Variants in HSPA14 observed in about 807,000 individuals in gnomAD.
HSPA14 encodes the protein heat shock protein family A (Hsp70) member 14.
HSPA14 carries 37 observed loss-of-function variants against 65.5 expected under a neutral mutation model. The ratio of observed to expected loss-of-function variants is 0.56; its 90% CI spans 0.43 to 0.74. HSPA14 has a LOEUF of 0.74. Ranked by LOEUF, HSPA14 falls within the 30% of genes least tolerant of loss-of-function variation. The probability of loss-of-function intolerance (pLI) is 0.00; values close to 1 mark genes in which losing one functional copy is unlikely to be tolerated. For synonymous variants in HSPA14, 203 were observed against 214.2 expected, an observed-to-expected ratio of 0.95 and a Z score of 0.46; for missense variants, 564 against 607.6, an observed-to-expected ratio of 0.93 and a Z score of 0.75.
In HSPA14 at chr10:14,838,341, G is replaced by C; in HGVS notation, c.-62G>C. 1 of 1,510,708 alleles carries C rather than the reference G, an allele frequency of 6.6e-7. No homozygotes were observed. 93.6% of individuals were successfully genotyped at this position (1,510,708 alleles called of 1,614,324 possible). On this transcript the variant is annotated 5_prime_UTR_variant, in exon 1 of 14. Coordinates refer to ENST00000378372, the MANE Select transcript of HSPA14 (RefSeq NM_016299.4). The stretch of plus-strand genomic sequence containing the variant: ...GCGGTGCCTGATGGGGCCGTTGGGC[G>C]GCCGGTAGCTGTTGCTGTTGGGGGA...
Position 14,864,853 on chromosome 10 carries a change from C to T in HSPA14, c.994-2230C>T, listed in dbSNP as rs192674195. 1.7e-3 allele frequency among the ~76,000 whole-genome samples: 266 copies of T among 152,326 alleles called. 2 individuals are homozygous for T. The highest frequency in any genetic ancestry group is 3.5e-3 in the Admixed American group (53 of 15,306). On this transcript the variant is annotated intron_variant, in intron 10 of 13. Transcript: ENST00000378372. ...GGGTATATACCCAGTAATGGGATGGCTGGGTCAAATGGTATTTCTAGTTTA... is the reference window on the plus strand; with the variant it reads ...GGGTATATACCCAGTAATGGGATGGTTGGGTCAAATGGTATTTCTAGTTTA...
rs1834094360 is a variant in HSPA14 at position 14,849,814 on chromosome 10, A to G, written c.467+3A>G. On this transcript the variant is annotated splice_donor_region_variant and intron_variant, in intron 6 of 13. Transcript: ENST00000378372. ...GAAAAGCAAAAAAATGCTCTTGGGT[A>G]AGTATATGGGGTTTATCTTACTGGC... The G allele has an allele frequency of 6.3e-7, 1 of 1,583,864 alleles. No individual in the cohort carries two copies. Among genetic ancestry groups the G allele is most frequent in the African/African-American group, 1.3e-5 (1 of 74,188 alleles).
intron 3 of HSPA14, chr10:14,845,625 A>G (rs1006350485): frequency 1.2e-6 from 1 of 802,654 alleles, no homozygotes. Flanking sequence ...AAAAAGTCTC[A>G]CTGTTTTGCC....
At chr10:14,857,030 C>T (rs1425057673) in intron 10 of HSPA14, among the ~76,000 whole-genome samples, 2 of 151,912 alleles carry the variant, frequency 1.3e-5, no homozygotes, top group Non-Finnish European at 2.9e-5. Flanking sequence ...TTTTTAATAA[C>T]AGTTCTAATT....
In HSPA14 at chr10:14,842,458, C is replaced by T. The variant is rs1355189556; in HGVS notation, c.221+2301C>T. The stretch of plus-strand genomic sequence containing the variant: ...TGCAGCAGGAGGGCTTCCGCCGCAC[C>T]GAACGTCAGTGCCGCTCCAAGTTTA... On this transcript the variant is annotated intron_variant, in intron 3 of 13. Coordinates refer to ENST00000378372, the MANE Select transcript of HSPA14 (RefSeq NM_016299.4). The surrounding 1 kb of genome is among the most constrained non-coding windows in gnomAD (Gnocchi z 5.2). 2.5e-5 allele frequency: 38 copies of T among 1,536,016 alleles called. No homozygotes were observed. Among genetic ancestry groups the T allele is most frequent in the Non-Finnish European group, 3.1e-5 (35 of 1,146,924 alleles).
rs1055582133 is a variant in HSPA14, at chr10:14,844,523, C to G, written c.222-4086C>G. The G allele has an allele frequency of 4.1e-6, 4 of 987,066 alleles. No homozygotes were observed. In the African/African-American group the frequency reaches 7.0e-5, roughly 17 times the overall value. 61.1% of individuals were successfully genotyped at this position (987,066 alleles called of 1,614,324 possible). ...ACAACCTGTATTTGTACCTTAATCT[C>G]TTACATTTCCACTGCTGTGTATCTG... is the stretch of plus-strand genomic sequence containing the variant. On this transcript the variant is annotated intron_variant, in intron 3 of 13. Coordinates refer to ENST00000378372, the MANE Select transcript of HSPA14 (RefSeq NM_016299.4).
intron 3 of HSPA14, chr10:14,846,334 A>C (rs1834053103): frequency 1.0e-6 from 1 of 985,262 alleles, no homozygotes. Flanking sequence ...TAAGACAGGG[A>C]TTTCTTTGAG....
Position 14,848,816 on chromosome 10 carries a change from A to T in HSPA14, c.297A>T (p.Arg99=), listed in dbSNP as rs753850992. The part of the protein sequence containing the change: ...CLVIEKNGKL[R]YEIDTGEETK... ...TCATTGAAAAAAATGGGAAATTACG[A>T]TATGAAATAGATACTGGAGAAGAAA... The change falls in exon 5 of 14, where the codon CGA becomes CGT. Residue 99 remains arginine (R), a synonymous_variant. Transcript: ENST00000378372. The T allele has an allele frequency of 1.3e-6, 2 of 1,580,734 alleles. No homozygotes were observed. The highest frequency in any genetic ancestry group is 1.7e-6 in the Non-Finnish European group (2 of 1,156,750).
chr10:14,843,552 G>A lies in HSPA14; in HGVS notation c.221+3395G>A, dbSNP rs538222597. The A allele has an allele frequency of 1.3e-5, 20 of 1,550,670 alleles. No individual in the cohort carries two copies. In the South Asian group the frequency reaches 1.4e-4, roughly 11 times the overall value. ...CACCGCAGACTCCAGTCTCCTCTTC[G>A]AGAGCTGGTTTTGTTTCTGGTGGGG... On this transcript the variant is annotated intron_variant, in intron 3 of 13. Transcript: ENST00000378372.
chr10:14,866,159 A>G (rs547616905), intron 10 of HSPA14, among the ~76,000 whole-genome samples: 3 of 152,234 alleles, frequency 2.0e-5, no homozygotes, highest in Non-Finnish European at 4.4e-5. Context: ...ACCTGGGATC[A>G]TAAAATTTTA....
intron 10 of HSPA14, among the ~76,000 whole-genome samples, chr10:14,864,266 GTTGGTTTTTTTTTT>G (rs1363996413): frequency 1.4e-5 from 2 of 141,704 alleles, no homozygotes; most frequent in African/African-American, 5.3e-5. Context: ...ATTTTCCAAG[GTTGGTTTTTTTTTT>G]TTGGTTTTCT....
intron 10 of HSPA14, among the ~76,000 whole-genome samples, chr10:14,862,889 G>A (rs1373878512): frequency 2.7e-5 from 4 of 150,670 alleles, no homozygotes; most frequent in East Asian, 2.0e-4. Flanking sequence ...TCACCATGTC[G>A]CCCAGGCTAG....
At chr10:14,843,939 A>G (rs1211771133) in intron 3 of HSPA14, 4 of 1,530,256 alleles carry the variant, frequency 2.6e-6, no homozygotes, top group East Asian at 2.4e-5. Flanking sequence ...GTAGAAGTCT[A>G]GTTCCCAAAC....
At chr10:14,869,487 G>A (rs1479205028) in intron 12 of HSPA14, among the ~76,000 whole-genome samples, 1 of 151,986 alleles carries the variant, frequency 6.6e-6, no homozygotes, top group Non-Finnish European at 1.5e-5. Context: ...AGTAGAGACA[G>A]TTTCACTGTG....
rs1444660790 is a variant in HSPA14 at position 14,871,606 on chromosome 10, G to A, written c.1530G>A (p.Ter510=). The A allele has an allele frequency of 2.6e-6, 4 of 1,522,264 alleles. No homozygotes were observed. In the South Asian group the frequency reaches 3.5e-5, roughly 13 times the overall value. The allele number at this position is 1,522,264 out of a possible 1,614,324, so 94.3% of individuals were successfully genotyped here. A position where few individuals can be genotyped will look rare whatever the true frequency, so the allele number is the denominator to read the frequency against. ...CAATCTCTATTGAGATAGCATCTTA[G>A]TGTTTTAGAGAAATCAAGAATTTTT... is the stretch of plus-strand genomic sequence containing the variant. ...CEAISIEIAS[*] Residue 510 remains the stop codon, a stop_retained_variant, in exon 14 of 14, where the codon TAG becomes TAA. Coordinates refer to ENST00000378372, the MANE Select transcript of HSPA14 (RefSeq NM_016299.4).
intron 5 of HSPA14, 90 bp downstream of exon 5, chr10:14,848,985 G>A: frequency 1.4e-6 from 1 of 698,702 alleles, no homozygotes; most frequent in Admixed American, 2.7e-5. Context: ...TTAGATCTTG[G>A]GAGAAGCAGA....
rs373659444 is a variant in HSPA14 at position 14,870,564 on chromosome 10, T to G, written c.1381-33T>G. The G allele has an allele frequency of 6.7e-5, 105 of 1,565,090 alleles. No individual in the cohort carries two copies. The African/African-American group carries it at 1.1e-3, about 17-fold the overall frequency. On this transcript the variant is annotated intron_variant, in intron 12 of 13. Coordinates refer to ENST00000378372, the MANE Select transcript of HSPA14 (RefSeq NM_016299.4). ...CATCAGTTCATTTATGTAAAGATGC[T>G]GAATTCTCTTCATATTGTTCTTGTA...
At chr10:14,854,532 A>C (rs1045362021) in intron 9 of HSPA14, among the ~76,000 whole-genome samples, 1 of 152,198 alleles carries the variant, frequency 6.6e-6, no homozygotes, top group Non-Finnish European at 1.5e-5. Context: ...TAGAACCTTC[A>C]ACCTAGATCC....
rs762883545 is a variant in HSPA14, at chr10:14,848,944, G to C, written c.376+49G>C. 16 of 1,030,422 alleles carry C rather than the reference G, an allele frequency of 1.6e-5. No individual in the cohort carries two copies. In the East Asian group the frequency reaches 2.2e-4, roughly 14 times the overall value. 63.8% of individuals were successfully genotyped at this position (1,030,422 alleles called of 1,614,324 possible). A position where few individuals can be genotyped will look rare whatever the true frequency, so the allele number is the denominator to read the frequency against. Reference sequence around the variant, plus strand: ...AGTTACCTTTAATGATCTTTTGAAAGTTGACCTTAAAAAAAAAGTTAGAGG... The same window carrying C: ...AGTTACCTTTAATGATCTTTTGAAACTTGACCTTAAAAAAAAAGTTAGAGG... On this transcript the variant is annotated intron_variant, in intron 5 of 13. Transcript: ENST00000378372.
Sources: gnomAD v4.1 joint callset for allele counts (sites outside exome capture counted in the v4.1 genomes callset) on GRCh38, gnomAD v4.1.1 for gene constraint, Gnocchi (gnomAD v3.1) non-coding constraint, MANE v1.5 for transcripts, NCBI Gene and HGNC (gene_info 2026-07-23, HGNC 2026-07-21) for gene names.